Variants in UBE2E2 observed in about 807,000 individuals in gnomAD.
UBE2E2 encodes ubiquitin conjugating enzyme E2 E2.
In UBE2E2, 6 loss-of-function variants were observed where a neutral mutation model predicts 24.7. The ratio of observed to expected loss-of-function variants is 0.24; its 90% CI spans 0.13 to 0.48. The LOEUF (loss-of-function observed/expected upper bound fraction) is 0.48, where lower values mean the gene tolerates loss of function less well. Ranked by LOEUF, UBE2E2 falls within the 20% of genes least tolerant of loss-of-function variation. The pLI, the probability that UBE2E2 is intolerant of heterozygous loss-of-function variation, is 0.99. For synonymous variants in UBE2E2, 104 were observed against 83.6 expected (o/e 1.24, Z -1.33); for missense variants, 169 against 245.0 (o/e 0.69, Z 2.07).
intron 5 of UBE2E2, chr3:23,534,128 CTTTTTT>C: frequency 1.6e-4 from 70 of 437,636 alleles, no homozygotes; most frequent in East Asian, 2.2e-4. Context: ...TGCAAGAAGG[CTTTTTT>C]TTTTTTTTTT....
chr3:23,565,444 CTTTTTT>C (rs574461544), intron 5 of UBE2E2, among the ~76,000 whole-genome samples: 2 of 46,244 alleles, frequency 4.3e-5, no homozygotes, highest in East Asian at 7.1e-4. Flanking sequence ...ATAGGCATGG[CTTTTTT>C]TTTTTTTTTT....
At chr3:23,437,678 C>T (rs139867891) in intron 3 of UBE2E2, among the ~76,000 whole-genome samples, 1 of 152,306 alleles carries the variant, frequency 6.6e-6, no homozygotes, top group Non-Finnish European at 1.5e-5. Flanking sequence ...AACCTCACTG[C>T]TTCTGTATAG....
intron 3 of UBE2E2, among the ~76,000 whole-genome samples, chr3:23,367,198 T>A (rs1236969065): frequency 1.3e-5 from 2 of 152,236 alleles, no homozygotes; most frequent in African/African-American, 4.8e-5. Flanking sequence ...CTGTGTTTGT[T>A]GACAAACCAA....
In UBE2E2 at chr3:23,256,805, C is replaced by T. The variant is rs140006147; in HGVS notation, c.227+39493C>T. Among the ~76,000 whole-genome samples the T allele has an allele frequency of 8.1e-3, 1,230 of 152,274 alleles. 14 individuals are homozygous for T. Among genetic ancestry groups the T allele is most frequent in the African/African-American group, 0.027 (1,131 of 41,556 alleles). ...CTGCATGCGTCCTTGCTCTCACACA[C>T]GCACATATAAAATCACTTTGTCCTT... is the stretch of plus-strand genomic sequence containing the variant. On this transcript the variant is annotated intron_variant, in intron 3 of 5. Coordinates refer to ENST00000396703, the MANE Select transcript of UBE2E2 (RefSeq NM_152653.4).
At chr3:23,299,506 A>G (rs1314890171) in intron 3 of UBE2E2, among the ~76,000 whole-genome samples, 1 of 152,070 alleles carries the variant, frequency 6.6e-6, no homozygotes, top group Non-Finnish European at 1.5e-5. Context: ...TTGGTTTCAA[A>G]GAACATCTTT....
At chr3:23,545,050 A>C (rs1695486700) in intron 5 of UBE2E2, among the ~76,000 whole-genome samples, 1 of 152,254 alleles carries the variant, frequency 6.6e-6, no homozygotes, top group Non-Finnish European at 1.5e-5. Flanking sequence ...CTCCAGCCCT[A>C]AGGCGGTTTT....
At chr3:23,470,622 T>C (rs1268963335) in intron 3 of UBE2E2, among the ~76,000 whole-genome samples, 1 of 152,228 alleles carries the variant, frequency 6.6e-6, no homozygotes, top group Non-Finnish European at 1.5e-5. Flanking sequence ...AATTTTCACA[T>C]TTGTTCCAAG....
intron 4 of UBE2E2, among the ~76,000 whole-genome samples, chr3:23,529,288 G>C (rs927522417): frequency 1.3e-5 from 2 of 152,170 alleles, no homozygotes; most frequent in Non-Finnish European, 2.9e-5. Context: ...ATGCATGAGT[G>C]CACATAAAAA....
chr3:23,401,930 C>G (rs1438715530), intron 3 of UBE2E2, among the ~76,000 whole-genome samples: 1 of 144,810 alleles, frequency 6.9e-6, no homozygotes, highest in South Asian at 2.2e-4. Flanking sequence ...CATCTCAGCT[C>G]TCTGCAACCT....
At chr3:23,318,261 C>T (rs1044745947) in intron 3 of UBE2E2, among the ~76,000 whole-genome samples, 6 of 152,246 alleles carry the variant, frequency 3.9e-5, no homozygotes, top group Non-Finnish European at 4.4e-5. Flanking sequence ...GCCTCCCAGG[C>T]TCAAGTGATT....
chr3:23,338,731 C>T (rs891076286), intron 3 of UBE2E2, among the ~76,000 whole-genome samples: 1 of 152,002 alleles, frequency 6.6e-6, no homozygotes, highest in African/African-American at 2.4e-5. Flanking sequence ...ACACTTTGAG[C>T]ACTATAATAA....
chr3:23,271,359 T>G (rs1202351370), intron 3 of UBE2E2, among the ~76,000 whole-genome samples: 3 of 152,138 alleles, frequency 2.0e-5, no homozygotes, highest in Admixed American at 1.3e-4. Context: ...ACCTTCACGG[T>G]GAGTGTTGCA....
chr3:23,545,019 A>G (rs1695485708), intron 5 of UBE2E2, among the ~76,000 whole-genome samples: 1 of 152,236 alleles, frequency 6.6e-6, no homozygotes, highest in Non-Finnish European at 1.5e-5. Flanking sequence ...ACAAAGCAGT[A>G]TTGCTGCCCG....
intron 3 of UBE2E2, among the ~76,000 whole-genome samples, chr3:23,401,848 C>CT (rs35903137): frequency 0.017 from 1,173 of 67,462 alleles, 5 homozygotes; most frequent in African/African-American, 0.027. Context: ...TGCCTGGCTA[C>CT]TTTTTTTTTT....
At chr3:23,374,397 A>G (rs1696469341) in intron 3 of UBE2E2, among the ~76,000 whole-genome samples, 2 of 152,202 alleles carry the variant, frequency 1.3e-5, no homozygotes, top group South Asian at 2.1e-4. Context: ...ATAAAATTGA[A>G]TAAATAAAAC....
chr3:23,324,793 A>T (rs1027901945), intron 3 of UBE2E2, among the ~76,000 whole-genome samples: 12 of 52,088 alleles, frequency 2.3e-4, no homozygotes, highest in South Asian at 5.8e-4. Flanking sequence ...AAAAGAATTT[A>T]AAAAAAAAAA....
intron 3 of UBE2E2, among the ~76,000 whole-genome samples, chr3:23,378,140 C>T (rs1375937066): frequency 7.0e-6 from 1 of 142,596 alleles, no homozygotes; most frequent in African/African-American, 2.6e-5. Context: ...AATAAAAATA[C>T]AAACTGAGCT....
At chr3:23,240,965 G>C (rs1336956359) in intron 3 of UBE2E2, among the ~76,000 whole-genome samples, 1 of 151,778 alleles carries the variant, frequency 6.6e-6, no homozygotes, top group African/African-American at 2.4e-5. Flanking sequence ...ATTTTTCTTA[G>C]GCTGTCTGTA....
In UBE2E2 at chr3:23,585,220, C is replaced by A. The variant is rs529210110; in HGVS notation, c.509-4514C>A. 2.0e-5 allele frequency among the ~76,000 whole-genome samples: 3 copies of A among 151,686 alleles called. No individual in the cohort carries two copies. In the South Asian group the frequency reaches 6.3e-4, roughly 32 times the overall value. On this transcript the variant is annotated intron_variant, in intron 5 of 5. Transcript: ENST00000396703. ...GCCGTCTCTACCAAAAAAAATAAATCAATAAACTGGACATGCTACTGTGTG... is the reference window on the plus strand; with the variant it reads ...GCCGTCTCTACCAAAAAAAATAAATAAATAAACTGGACATGCTACTGTGTG...
Sources: allele counts gnomAD v4.1 joint callset (sites outside exome capture counted in the v4.1 genomes callset), GRCh38; gene constraint gnomAD v4.1.1; transcripts MANE v1.5; gene names NCBI Gene and HGNC (gene_info 2026-07-23, HGNC 2026-07-21).